The following ARHGAP25 variants were observed in gnomAD, a reference collection of about 807,000 sequenced individuals.
ARHGAP25 encodes rho GTPase-activating protein 25.
Under a neutral mutation model 71.0 loss-of-function variants are expected in ARHGAP25, and 34 were observed. That is an observed-to-expected ratio of 0.48 (90% confidence interval 0.36 to 0.64). The LOEUF is 0.64. ARHGAP25 is among the 30% of genes least tolerant of loss of function. The probability of loss-of-function intolerance (pLI) is 0.00; values close to 1 mark genes in which losing one functional copy is unlikely to be tolerated. For missense variants in ARHGAP25, 706 were observed against 805.1 expected (o/e 0.88, Z 1.49); for synonymous variants, 282 against 296.5 (o/e 0.95, Z 0.50).
Position 68,807,309 on chromosome 2 carries a change from A to G in ARHGAP25, c.503A>G (p.Tyr168Cys), listed in dbSNP as rs764610486. ...FGQRLDETVAYEQKFGPHLVP... is the reference protein window; with the variant it reads ...FGQRLDETVACEQKFGPHLVP... ...CAGCGCTTGGATGAGACTGTGGCCT[A>G]TGAACAGAAATTCGGCCCCCATCTG... Residue 168 changes from tyrosine (Y) to cysteine (C), a missense_variant, in exon 5 of 11, where the codon TAT becomes TGT. By Grantham distance (194) the Tyr-to-Cys change is radical. Transcript: ENST00000409202. 1.2e-6 allele frequency: 2 copies of G among 1,614,248 alleles called. No individual in the cohort carries two copies. The highest frequency in any genetic ancestry group is 1.7e-6 in the Non-Finnish European group (2 of 1,180,044).
chr2:68,784,498 T>G (rs1300071335), intron 3 of ARHGAP25, among the ~76,000 whole-genome samples: 1 of 138,364 alleles, frequency 7.2e-6, no homozygotes, highest in Non-Finnish European at 1.6e-5. Flanking sequence ...GGCATGCTAG[T>G]TTTTTTTTTA....
intron 1 of ARHGAP25, among the ~76,000 whole-genome samples, chr2:68,746,708 CCT>C (rs1491015453): frequency 2.0e-5 from 3 of 150,884 alleles, no homozygotes; most frequent in African/African-American, 4.9e-5. Flanking sequence ...GGACCACCCC[CCT>C]CCCCATCCCC....
rs1034854566 is a variant in ARHGAP25, at chr2:68,746,945, T to C, written c.61+11685T>C. On this transcript the variant is annotated intron_variant, in intron 1 of 10. Coordinates refer to ENST00000409202, the MANE Select transcript of ARHGAP25 (RefSeq NM_001007231.3). ...ATCGCTTGAACCCGGGAGGCAGAGGTTGTGGTGAGCCGAGATTGGGCCACT... is the reference window on the plus strand; with the variant it reads ...ATCGCTTGAACCCGGGAGGCAGAGGCTGTGGTGAGCCGAGATTGGGCCACT... Among the ~76,000 whole-genome samples the C allele has an allele frequency of 6.1e-5, 9 of 146,820 alleles. 1 individual carries two copies. The highest frequency in any genetic ancestry group is 2.3e-4 in the African/African-American group (9 of 39,566).
chr2:68,715,523 C>A (rs7593224), intron 2 of ARHGAP25, among the ~76,000 whole-genome samples: 35,720 of 152,022 alleles, frequency 0.23, 4,450 homozygotes, highest in East Asian at 0.37. Flanking sequence ...TTCCGGGAGG[C>A]GGTCGTGCTC....
At chr2:68,752,324 GA>G (rs886176230) in intron 1 of ARHGAP25, among the ~76,000 whole-genome samples, 14 of 149,348 alleles carry the variant, frequency 9.4e-5, no homozygotes, top group African/African-American at 2.8e-4. Flanking sequence ...CTTCAAGATA[GA>G]AAAAAAAGAG....
intron 1 of ARHGAP25, among the ~76,000 whole-genome samples, chr2:68,758,861 T>G (rs758521400): frequency 1.3e-5 from 2 of 151,898 alleles, no homozygotes; most frequent in Non-Finnish European, 2.9e-5. Context: ...AGGACACAAT[T>G]TAAGTCTCAA....
intron 1 of ARHGAP25, among the ~76,000 whole-genome samples, chr2:68,740,117 A>G (rs957344366): frequency 2.0e-5 from 3 of 152,174 alleles, no homozygotes; most frequent in Non-Finnish European, 4.4e-5. Flanking sequence ...AGACAAGGAA[A>G]CAACTGCAAA....
At chr2:68,748,678 CAG>C (rs1337856288) in intron 1 of ARHGAP25, among the ~76,000 whole-genome samples, 1 of 152,068 alleles carries the variant, frequency 6.6e-6, no homozygotes, top group Non-Finnish European at 1.5e-5. Flanking sequence ...CAGTTTGGTC[CAG>C]AGAGAGATAT....
intron 1 of ARHGAP25, among the ~76,000 whole-genome samples, chr2:68,746,271 C>T (rs551405379): frequency 6.6e-6 from 1 of 152,336 alleles, no homozygotes; most frequent in South Asian, 2.1e-4. Flanking sequence ...AATTTTCCTA[C>T]CACCAAAAGT....
chr2:68,715,462 A>G (rs746116747), intron 2 of ARHGAP25, among the ~76,000 whole-genome samples: 7 of 152,216 alleles, frequency 4.6e-5, no homozygotes, highest in Non-Finnish European at 8.8e-5. Context: ...TGGGGTGGGC[A>G]CGTGACCCTG....
chr2:68,813,047 A>G (rs186937373), intron 5 of ARHGAP25, among the ~76,000 whole-genome samples: 6 of 152,336 alleles, frequency 3.9e-5, no homozygotes, highest in African/African-American at 1.4e-4. Context: ...GTAGACCTTG[A>G]ACTTACCTTT....
At chr2:68,788,152 C>A (rs546190903) in intron 4 of ARHGAP25, among the ~76,000 whole-genome samples, 196 bp downstream of exon 4, 2 of 152,200 alleles carry the variant, frequency 1.3e-5, no homozygotes, top group Non-Finnish European at 2.9e-5. Context: ...CCACCCCCTG[C>A]GGCACCTGGG....
Position 68,721,114 on chromosome 2 carries a change from T to G in ARHGAP25, c.-18+10416T>G, listed in dbSNP as rs540208657. The stretch of plus-strand genomic sequence containing the variant: ...ACTTGATTAACATTGGAAATAGTTA[T>G]GTTTCAAATAAAAATGTACACAAGT... On this transcript the variant is annotated intron_variant and NMD_transcript_variant, in intron 2 of 7. Coordinates refer to the ARHGAP25 transcript ENST00000463483. Among the ~76,000 whole-genome samples, 36 of 152,354 alleles carry G rather than the reference T, an allele frequency of 2.4e-4. 1 individual carries two copies. In the South Asian group the frequency reaches 7.0e-3, roughly 30 times the overall value.
At chr2:68,732,866 T>C (rs1171653622), upstream of ARHGAP25, among the ~76,000 whole-genome samples, 1 of 152,250 alleles carries the variant, frequency 6.6e-6, no homozygotes, top group Non-Finnish European at 1.5e-5. Flanking sequence ...GTCACCACTG[T>C]TCCTTCAGCC....
At chr2:68,764,093 GA>G (rs1676988623) in intron 1 of ARHGAP25, among the ~76,000 whole-genome samples, 1 of 152,118 alleles carries the variant, frequency 6.6e-6, no homozygotes, top group Non-Finnish European at 1.5e-5. Flanking sequence ...GCCTTTTCTG[GA>G]TATTTCTTAT....
chr2:68,823,784 G>C (rs1247196380), intron 10 of ARHGAP25, among the ~76,000 whole-genome samples: 1 of 152,214 alleles, frequency 6.6e-6, no homozygotes, highest in Non-Finnish European at 1.5e-5. Flanking sequence ...ACAGAAGCGG[G>C]AGGCCAGTTA....
chr2:68,750,679 T>C (rs1676114020), intron 1 of ARHGAP25, among the ~76,000 whole-genome samples: 1 of 152,160 alleles, frequency 6.6e-6, no homozygotes. Context: ...TCTGTGTGTG[T>C]GTGTTGTGGT....
chr2:68,733,154 A>C (rs942881336), upstream of ARHGAP25, among the ~76,000 whole-genome samples: 1 of 152,232 alleles, frequency 6.6e-6, no homozygotes, highest in African/African-American at 2.4e-5. Flanking sequence ...GAAAAGCCAG[A>C]AAGGCAGGCA....
rs562258548 is a variant in ARHGAP25 at position 68,720,081 on chromosome 2, G to A, written c.-18+9383G>A. On this transcript the variant is annotated intron_variant and NMD_transcript_variant, in intron 2 of 7. Transcript: ENST00000463483. ...CGGTAAAAAGCCAGAGCAACTTCCTGTGCACTATCAGCTGACTGATCAGGG... is the reference window on the plus strand; with the variant it reads ...CGGTAAAAAGCCAGAGCAACTTCCTATGCACTATCAGCTGACTGATCAGGG... Among the ~76,000 whole-genome samples, 3 of 152,170 alleles carry A rather than the reference G, an allele frequency of 2.0e-5. No homozygotes were observed. The South Asian group carries it at 6.2e-4, about 32-fold the overall frequency.
Sources: allele counts gnomAD v4.1 joint callset (sites outside exome capture counted in the v4.1 genomes callset), GRCh38; gene constraint gnomAD v4.1.1; transcripts MANE v1.5; gene names NCBI Gene and HGNC (gene_info 2026-07-23, HGNC 2026-07-21).